Variants in RFX3 observed in about 807,000 individuals in gnomAD.
RFX3 encodes regulatory factor X3.
In RFX3, 14 loss-of-function variants were observed where a neutral mutation model predicts 98.6. The observed-to-expected ratio is 0.14, with a 90% CI of 0.09 to 0.22. The LOEUF is 0.22. RFX3 is among the 10% of genes least tolerant of loss of function. The pLI is 1.00. For missense variants in RFX3, 639 were observed against 926.9 expected (o/e 0.69, Z 4.03); for synonymous variants, 383 against 328.4 (o/e 1.17, Z -1.80).
intron 1 of RFX3, among the ~76,000 whole-genome samples, chr9:3,494,783 T>G (rs1226904015): frequency 6.6e-6 from 1 of 152,140 alleles, no homozygotes; most frequent in Admixed American, 6.5e-5. Context: ...AGAAGACAGA[T>G]TCTCACATCT....
chr9:3,356,906 G>C (rs887049718), intron 2 of RFX3, among the ~76,000 whole-genome samples: 7 of 150,310 alleles, frequency 4.7e-5, no homozygotes, highest in Non-Finnish European at 7.4e-5. Context: ...TGCCAGAAAA[G>C]CATTTGACAA....
intron 2 of RFX3, among the ~76,000 whole-genome samples, chr9:3,381,231 A>G (rs1159050191): frequency 6.6e-6 from 1 of 152,040 alleles, no homozygotes; most frequent in African/African-American, 2.4e-5. Flanking sequence ...GACCAAAAAA[A>G]ATTCCCAAAA....
intron 1 of RFX3, among the ~76,000 whole-genome samples, chr9:3,439,952 G>C (rs943566447): frequency 6.6e-6 from 1 of 151,956 alleles, no homozygotes; most frequent in Admixed American, 6.6e-5. Context: ...AGTTTGTTTA[G>C]GGTTTCGGAC....
At chr9:3,331,812 A>G (rs944939995) in intron 3 of RFX3, among the ~76,000 whole-genome samples, 3 of 152,144 alleles carry the variant, frequency 2.0e-5, no homozygotes, top group Non-Finnish European at 4.4e-5. Flanking sequence ...TTAGTAAACA[A>G]TCTTACATAA....
At chr9:3,445,470 T>C (rs1410091459) in intron 1 of RFX3, among the ~76,000 whole-genome samples, 1 of 152,166 alleles carries the variant, frequency 6.6e-6, no homozygotes, top group Non-Finnish European at 1.5e-5. Context: ...TAAGGGGATC[T>C]GCAGGTTGAG....
chr9:3,277,446 C>T lies in RFX3; in HGVS notation c.867G>A (p.Gln289=), dbSNP rs1563846972. ...MQQKQRYKPM[Q]KVDGVADGFT... ...AACCATCTGCAACCCCATCCACTTT[C>T]TGCATAGGCTTGTACCTAAAAATAT... Residue 289 remains glutamine, a synonymous_variant, in exon 8 of 17, where the codon CAG becomes CAA. Coordinates refer to ENST00000617270, the MANE Select transcript of RFX3 (RefSeq NM_001282116.2). 1 of 1,612,326 alleles carries T rather than the reference C, an allele frequency of 6.2e-7. No individual in the cohort carries two copies. Among genetic ancestry groups the T allele is most frequent in the Non-Finnish European group, 8.5e-7 (1 of 1,178,682 alleles).
At chr9:3,390,740 G>C (rs1385194448) in intron 2 of RFX3, among the ~76,000 whole-genome samples, 1 of 152,132 alleles carries the variant, frequency 6.6e-6, no homozygotes, top group Non-Finnish European at 1.5e-5. Context: ...TGCCACCCGT[G>C]TAAGACATGA....
chr9:3,279,488 C>T (rs1825657795), intron 7 of RFX3, among the ~76,000 whole-genome samples: 1 of 151,668 alleles, frequency 6.6e-6, no homozygotes, highest in Non-Finnish European at 1.5e-5. Context: ...TACAGGATTG[C>T]AAAATTATTA....
At chr9:3,265,222 T>G (rs1420169620) in intron 12 of RFX3, among the ~76,000 whole-genome samples, 1 of 152,212 alleles carries the variant, frequency 6.6e-6, no homozygotes, top group East Asian at 1.9e-4. Flanking sequence ...TCATTTCACT[T>G]AATTTAAAAT....
At chr9:3,323,693 C>A (rs1831563610) in intron 4 of RFX3, among the ~76,000 whole-genome samples, 1 of 152,014 alleles carries the variant, frequency 6.6e-6, no homozygotes, top group Non-Finnish European at 1.5e-5. Context: ...AATGCTGTTT[C>A]AAATATGAAG....
intron 1 of RFX3, among the ~76,000 whole-genome samples, chr9:3,505,262 T>TTATATATATATGAATATA (rs1816873659): frequency 1.4e-5 from 1 of 73,596 alleles, no homozygotes; most frequent in African/African-American, 8.8e-5. Context: ...GAATATATAT[T>TTATATATATATGAATATA]TATATATATA....
intron 1 of RFX3, among the ~76,000 whole-genome samples, chr9:3,455,183 A>AAAC (rs1417385579): frequency 2.0e-5 from 3 of 152,174 alleles, no homozygotes; most frequent in Non-Finnish European, 1.5e-5. Context: ...TAAGGAACAG[A>AAAC]CTTCTTACCA....
At position 3,270,292 on chromosome 9, in the gene RFX3, T is replaced by C. The variant is rs546991967; in HGVS notation, c.1357+79A>G. On this transcript the variant is annotated intron_variant, in intron 11 of 16. Transcript: ENST00000617270. ...TAAATGAAATTAGAATCATTCTAGA[T>C]TGCAATGTCACTTCTCAAAACTTCC... 2.3e-5 allele frequency: 31 copies of C among 1,361,414 alleles called. No homozygotes were observed. In the Admixed American group the frequency reaches 4.2e-4, roughly 18 times the overall value. The allele number at this position is 1,361,414 out of a possible 1,614,324, so 84.3% of individuals were successfully genotyped here. A position where few individuals can be genotyped will look rare whatever the true frequency, so the allele number is the denominator to read the frequency against.
At chr9:3,270,936 C>G (rs1824349112) in intron 10 of RFX3, 67 bp downstream of exon 10, 2 of 1,607,472 alleles carry the variant, frequency 1.2e-6, no homozygotes, top group Non-Finnish European at 1.7e-6. Flanking sequence ...GTATACATAT[C>G]TCTAATTTAT....
rs79252778 is a variant in RFX3, at chr9:3,420,541, A to T, written c.-8-24945T>A. Among the ~76,000 whole-genome samples, 541 of 152,304 alleles carry T rather than the reference A, an allele frequency of 3.6e-3. 24 individuals carry two copies. In the East Asian group the frequency reaches 0.069, roughly 19 times the overall value. On this transcript the variant is annotated intron_variant, in intron 1 of 16. Coordinates refer to ENST00000617270, the MANE Select transcript of RFX3 (RefSeq NM_001282116.2). ...CTGTATTTTGCACATGAAGAAACTG[A>T]AAAAGGTTAAGAGACTTGTCTAAGG...
chr9:3,525,108 AGAAGAG>A (rs1819124901), intron 1 of RFX3, among the ~76,000 whole-genome samples: 1 of 152,176 alleles, frequency 6.6e-6, no homozygotes, highest in South Asian at 2.1e-4. Context: ...TGATGGTGAA[AGAAGAG>A]CAGCCCATTC....
At chr9:3,330,609 T>C (rs1832480423) in intron 3 of RFX3, 92 bp from the exon 4 acceptor site, 2 of 1,247,740 alleles carry the variant, frequency 1.6e-6, no homozygotes, top group Non-Finnish European at 2.2e-6. Flanking sequence ...AATATATTGG[T>C]TGGCTTAGCC....
chr9:3,456,939 G>C (rs1210694359), intron 1 of RFX3, among the ~76,000 whole-genome samples: 1 of 151,798 alleles, frequency 6.6e-6, no homozygotes, highest in Non-Finnish European at 1.5e-5. Flanking sequence ...ATGAGGTCAA[G>C]AGATCGAGAC....
intron 2 of RFX3, chr9:3,364,282 T>A (rs1466230825): frequency 1.9e-5 from 3 of 155,336 alleles, no homozygotes; most frequent in African/African-American, 7.2e-5. Flanking sequence ...TTGAAAGCAG[T>A]CATTTTAGTA....
Sources: gnomAD v4.1 joint callset for allele counts (sites outside exome capture counted in the v4.1 genomes callset) on GRCh38, gnomAD v4.1.1 for gene constraint, MANE v1.5 for transcripts, NCBI Gene and HGNC (gene_info 2026-07-23, HGNC 2026-07-21) for gene names.